FGFR1: variants seen among roughly 807,000 people sequenced by gnomAD.
The protein encoded by FGFR1 is fibroblast growth factor receptor 1.
A neutral mutation model predicts 93.7 loss-of-function variants in FGFR1; 18 were observed. The ratio of observed to expected loss-of-function variants is 0.19; its 90% CI spans 0.13 to 0.28. The LOEUF is 0.28. Among genes scored for constraint, FGFR1 ranks in the 10% least tolerant of loss-of-function variants. The pLI is 1.00. For synonymous variants in FGFR1, 448 were observed against 429.3 expected (o/e 1.04, Z -0.54); for missense variants, 731 against 1,080.4 (o/e 0.68, Z 4.53).
At chr8:38,467,443 G>A (rs1426140620) in intron 1 of FGFR1, among the ~76,000 whole-genome samples, 1 of 152,106 alleles carries the variant, frequency 6.6e-6, no homozygotes, top group African/African-American at 2.4e-5. Context: ...CCCGGGGGTG[G>A]AAAAGGACTT....
rs1820796532 is a variant in FGFR1, at chr8:38,426,463, C to G, written c.622-218G>C. On this transcript the variant is annotated intron_variant, in intron 5 of 17. Coordinates refer to ENST00000447712, the MANE Select transcript of FGFR1 (RefSeq NM_023110.3). This position sits in a 1 kb window ranked among gnomAD's most constrained non-coding sequence, Gnocchi z 4.1. ...TGGGGTGTAAAGACTCCAGAAGTCT[C>G]CACTGTGACGTTCAAGATCATTCGT... Among the ~76,000 whole-genome samples the G allele has an allele frequency of 2.0e-5, 3 of 152,184 alleles. No individual in the cohort carries two copies. Among genetic ancestry groups the G allele is most frequent in the Admixed American group, 1.3e-4 (2 of 15,282 alleles).
At chr8:38,452,980 A>T (rs557715148) in intron 2 of FGFR1, among the ~76,000 whole-genome samples, 38 of 152,320 alleles carry the variant, frequency 2.5e-4, no homozygotes, top group Middle Eastern at 3.4e-3. Flanking sequence ...CGTCTCAAAT[A>T]AATTAATTAA....
rs553920209 is a variant in FGFR1 at position 38,442,244 on chromosome 8, G to A, written c.92-12296C>T. Among the ~76,000 whole-genome samples, 67 of 152,228 alleles carry A rather than the reference G, an allele frequency of 4.4e-4. 1 individual carries two copies. The South Asian group carries it at 7.1e-3, about 16-fold the overall frequency. On this transcript the variant is annotated intron_variant, in intron 2 of 17. Coordinates refer to ENST00000447712, the MANE Select transcript of FGFR1 (RefSeq NM_023110.3). ...CTCAGGTTGGACCGGGGCAGGGGGAGTGTCTTCTCCTGCCTTTATTATAAT... is the reference window on the plus strand; with the variant it reads ...CTCAGGTTGGACCGGGGCAGGGGGAATGTCTTCTCCTGCCTTTATTATAAT...
chr8:38,468,494 G>C lies in FGFR1; in HGVS notation c.-602C>G, dbSNP rs974144269. 1 of 228,526 alleles carries C rather than the reference G, an allele frequency of 4.4e-6. No individual in the cohort carries two copies. Among genetic ancestry groups the C allele is most frequent in the Non-Finnish European group, 8.7e-6 (1 of 114,888 alleles). The allele number at this position is 228,526 out of a possible 1,614,324, so 14.2% of individuals were successfully genotyped here. A position where few individuals can be genotyped will look rare whatever the true frequency, so the allele number is the denominator to read the frequency against. On this transcript the variant is annotated 5_prime_UTR_variant, in exon 1 of 18. Transcript: ENST00000447712. ...ATGCGCTACGAGGGGTCTCGGTCCC[G>C]TCCGGACGTGGCCGCCCAGCTCCCG...
intron 8 of FGFR1, chr8:38,420,296 G>C (rs1818241115): frequency 6.3e-6 from 1 of 159,704 alleles, no homozygotes; most frequent in Non-Finnish European, 1.4e-5. Flanking sequence ...ACAGAGGACA[G>C]GAGGGGAACC....
At chr8:38,438,902 A>G (rs369695474) in intron 2 of FGFR1, among the ~76,000 whole-genome samples, 2 of 152,030 alleles carry the variant, frequency 1.3e-5, no homozygotes, top group African/African-American at 4.8e-5. Flanking sequence ...TCAAGCCCAT[A>G]GCTCATATCA....
At chr8:38,440,235 G>A (rs1826903497) in intron 2 of FGFR1, 1 of 1,357,160 alleles carries the variant, frequency 7.4e-7, no homozygotes, top group Non-Finnish European at 1.0e-6. Context: ...CAGCGCAGCG[G>A]GGCTCCGGGG....
intron 2 of FGFR1, among the ~76,000 whole-genome samples, chr8:38,433,432 T>C (rs993222805): frequency 6.6e-6 from 1 of 152,124 alleles, no homozygotes; most frequent in Admixed American, 6.6e-5. Flanking sequence ...CACTTCAGCC[T>C]CTGGAGCAGC....
At position 38,429,056 on chromosome 8, in the gene FGFR1, C is replaced by T. The variant is rs1379322211; in HGVS notation, c.359-621G>A. ...GGTTCATGCCAGATCTTTCTCCAGT[C>T]CTTCCTATCACCTTTGGGGATCTGC... On this transcript the variant is annotated intron_variant, in intron 3 of 17. Transcript: ENST00000447712. This position sits in a 1 kb window ranked among gnomAD's most constrained non-coding sequence, Gnocchi z 4.4. 1 of 347,574 alleles carries T rather than the reference C, an allele frequency of 2.9e-6. No homozygotes were observed. The highest frequency in any genetic ancestry group is 2.1e-5 in the African/African-American group (1 of 46,604). The allele number at this position is 347,574 out of a possible 1,614,324, so 21.5% of individuals were successfully genotyped here. A position where few individuals can be genotyped will look rare whatever the true frequency, so the allele number is the denominator to read the frequency against.
At chr8:38,425,941 A>G in intron 6 of FGFR1, 181 bp downstream of exon 6, 2 of 761,066 alleles carry the variant, frequency 2.6e-6, no homozygotes, top group Non-Finnish European at 4.5e-6. Context: ...TCTTAACTCT[A>G]TTTTACAGAT....
At chr8:38,435,683 C>T (rs1825110732) in intron 2 of FGFR1, 1 of 152,262 alleles carries the variant, frequency 6.6e-6, no homozygotes, top group Non-Finnish European at 1.5e-5. Context: ...GCCTCTTCAG[C>T]TCCAGCTGCC....
chr8:38,422,954 C>T (rs1454737979), intron 7 of FGFR1: 91 of 753,570 alleles, frequency 1.2e-4, no homozygotes, highest in East Asian at 4.9e-5. Flanking sequence ...GTACTGGCTT[C>T]CCCGCCTGCC....
rs183109838 is a variant in FGFR1 at position 38,441,048 on chromosome 8, C to A, written c.92-11100G>T. 1.7e-3 allele frequency among the ~76,000 whole-genome samples: 255 copies of A among 152,176 alleles called. 2 individuals are homozygous for A. The highest frequency in any genetic ancestry group is 5.8e-3 in the African/African-American group (239 of 41,490). On this transcript the variant is annotated intron_variant, in intron 2 of 17. Transcript: ENST00000447712. Reference sequence around the variant, plus strand: ...CACTAGCCAAAGCCACAGCCAGGACCCTGCACCCGCCCCGAGACCCCCCAA... The same window carrying A: ...CACTAGCCAAAGCCACAGCCAGGACACTGCACCCGCCCCGAGACCCCCCAA...
Position 38,419,635 on chromosome 8 carries a change from G to T in FGFR1, c.1182C>A (p.Val394=). 6.2e-7 allele frequency: 1 copy of T among 1,614,090 alleles called. No homozygotes were observed. The highest frequency in any genetic ancestry group is 1.1e-5 in the South Asian group (1 of 91,056). The part of the protein sequence containing the change: ...AFLISCMVGS[V]IVYKMKSGTK... ...TACCACTCTTCATCTTGTAGACGAT[G>T]ACCGACCCCACCATGCAGGAGATGA... is the stretch of plus-strand genomic sequence containing the variant. The change falls in exon 9 of 18, where the codon GTC becomes GTA. Residue 394 remains valine, a synonymous_variant. Coordinates refer to ENST00000447712, the MANE Select transcript of FGFR1 (RefSeq NM_023110.3).
At chr8:38,452,216 C>A (rs535393227) in intron 2 of FGFR1, among the ~76,000 whole-genome samples, 1 of 144,204 alleles carries the variant, frequency 6.9e-6, no homozygotes, top group African/African-American at 2.5e-5. Flanking sequence ...CACACACACA[C>A]ACACACACAC....
Position 38,431,905 on chromosome 8 carries a change from C to T in FGFR1, c.92-1957G>A, listed in dbSNP as rs150146443. 2.4e-3 allele frequency among the ~76,000 whole-genome samples: 361 copies of T among 152,180 alleles called. 2 individuals carry two copies. Among genetic ancestry groups the T allele is most frequent in the Non-Finnish European group, 4.2e-3 (285 of 68,002 alleles). On this transcript the variant is annotated intron_variant, in intron 2 of 17. Transcript: ENST00000447712. ...TTTAATGGTCTGTGGTTTTGCCAAACGAAGGTAAGGAGAAAAGCAGTTTAG... is the reference window on the plus strand; with the variant it reads ...TTTAATGGTCTGTGGTTTTGCCAAATGAAGGTAAGGAGAAAAGCAGTTTAG...
At chr8:38,437,958 T>C (rs1406220696) in intron 2 of FGFR1, among the ~76,000 whole-genome samples, 1 of 152,226 alleles carries the variant, frequency 6.6e-6, no homozygotes. Flanking sequence ...ACAACACATT[T>C]GCATAGCACT....
Position 38,442,362 on chromosome 8 carries a change from G to GGTGTGTGTGTGTGTGTGTGT in FGFR1, c.92-12434_92-12415dup, listed in dbSNP as rs56889687. Among the ~76,000 whole-genome samples the GGTGTGTGTGTGTGTGTGTGT allele has an allele frequency of 8.9e-4, 130 of 146,060 alleles. 2 individuals are homozygous for GGTGTGTGTGTGTGTGTGTGT. The highest frequency in any genetic ancestry group is 7.0e-3 in the East Asian group (34 of 4,864). ...ACATCTTCCACCAAGTTGTTAAAGT[G>GGTGTGTGTGTGTGTGTGTGT]GTGTGTGTGTGTGTGTGTGTGTGTG... On this transcript the variant is annotated intron_variant, in intron 2 of 17. Transcript: ENST00000447712.
rs1586278500 is a variant in FGFR1, at chr8:38,424,033, G to A, written c.936+476C>T. The A allele has an allele frequency of 4.3e-6, 1 of 234,292 alleles. No individual in the cohort carries two copies. The highest frequency in any genetic ancestry group is 5.9e-5 in the South Asian group (1 of 17,058). 14.5% of individuals were successfully genotyped at this position (234,292 alleles called of 1,614,324 possible). On this transcript the variant is annotated intron_variant, in intron 7 of 17. Transcript: ENST00000447712. This position sits in a 1 kb window ranked among gnomAD's most constrained non-coding sequence, Gnocchi z 4.3. ...AAGGAAGAAAATGCCATTACTCCTC[G>A]TCCTCATATGGCTTAGAATTTATAT...
Sources: allele counts gnomAD v4.1 joint callset (sites outside exome capture counted in the v4.1 genomes callset), GRCh38; gene constraint gnomAD v4.1.1; non-coding constraint Gnocchi (gnomAD v3.1); transcripts MANE v1.5; gene names NCBI Gene and HGNC (gene_info 2026-07-23, HGNC 2026-07-21).